MRM3: variants seen among roughly 807,000 people sequenced by gnomAD.
MRM3 encodes rRNA methyltransferase 3, mitochondrial.
In MRM3, 26 loss-of-function variants were observed where a neutral mutation model predicts 29.4. That is an observed-to-expected ratio of 0.89 (90% CI 0.65 to 1.23). The LOEUF is 1.23. Among genes scored for constraint, MRM3 ranks in the 50% most tolerant of loss-of-function variants. MRM3 has a pLI of 0.00. For missense variants in MRM3, 578 were observed against 540.2 expected, an observed-to-expected ratio of 1.07 and a Z score of -0.69; for synonymous variants, 225 against 219.0, an observed-to-expected ratio of 1.03 and a Z score of -0.24.
chr17:783,379 C>A, intron 2 of MRM3, 52 bp downstream of exon 2: 1 of 1,522,810 alleles, frequency 6.6e-7, no homozygotes, highest in African/African-American at 1.4e-5. Flanking sequence ...TTCTGTCACC[C>A]AGGCTGGAGT....
chr17:789,928 C>CA (rs1013499574), intron 3 of MRM3: 1 of 152,236 alleles, frequency 6.6e-6, no homozygotes, highest in African/African-American at 2.4e-5. Flanking sequence ...CCCCTCCAGG[C>CA]AGAGGGGTCA....
In MRM3 at chr17:782,384, G is replaced by A; in HGVS notation, c.6G>A (p.Ala2=). Residue 2 remains alanine (A), a synonymous_variant, in exon 1 of 4, where the codon GCG becomes GCA. Coordinates refer to ENST00000304478, the MANE Select transcript of MRM3 (RefSeq NM_018146.4). M[A]ALVRPARFVV... Reference sequence around the variant, plus strand: ...CAGCCCGGGTCTCAGGGAACATGGCGGCGCTGGTGAGACCCGCGAGGTTTG... The same window carrying A: ...CAGCCCGGGTCTCAGGGAACATGGCAGCGCTGGTGAGACCCGCGAGGTTTG... 1 of 1,613,614 alleles carries A rather than the reference G, an allele frequency of 6.2e-7. No homozygotes were observed. The highest frequency in any genetic ancestry group is 8.5e-7 in the Non-Finnish European group (1 of 1,179,842).
chr17:791,276 CA>C (rs1300700102), intron 3 of MRM3, among the ~76,000 whole-genome samples: 2 of 152,144 alleles, frequency 1.3e-5, no homozygotes, highest in East Asian at 3.9e-4. Context: ...ATTATCTTTG[CA>C]TCTTCTGCGC....
At chr17:783,749 C>T (rs1910376515) in intron 2 of MRM3, among the ~76,000 whole-genome samples, 1 of 152,176 alleles carries the variant, frequency 6.6e-6, no homozygotes, top group Non-Finnish European at 1.5e-5. Flanking sequence ...ATATAATTCT[C>T]AAACCTGTGT....
chr17:782,508 TC>T lies in MRM3; in HGVS notation c.132del (p.Gly45GlufsTer60). On this transcript the variant is annotated frameshift_variant, in exon 1 of 4. Coordinates refer to ENST00000304478, the MANE Select transcript of MRM3 (RefSeq NM_018146.4). LOFTEE classifies it high-confidence loss of function. ...GAGCCCAGTGAAAGTGGTGTTTCCT[TC>T]CGGAGAGGTGGTGGAACAGAAGCGC... ...RRSPVKVVFP[S>X]GEVVEQKRAP... 2 of 1,613,458 alleles carry T rather than the reference TC, an allele frequency of 1.2e-6. No individual in the cohort carries two copies.
chr17:791,434 A>G, intron 3 of MRM3, 100 bp from the exon 4 acceptor site: 1 of 1,233,374 alleles, frequency 8.1e-7, no homozygotes, highest in East Asian at 2.5e-5. Flanking sequence ...TCATAGAAGA[A>G]CTGGTTTATC....
At chr17:785,962 A>C (rs1480666690) in intron 2 of MRM3, among the ~76,000 whole-genome samples, 1 of 152,252 alleles carries the variant, frequency 6.6e-6, no homozygotes, top group Non-Finnish European at 1.5e-5. Context: ...GTCAGTCAGT[A>C]AGGTGTTTAG....
In MRM3 at chr17:782,688, C is replaced by A; in HGVS notation, c.310C>A (p.Leu104Met). 1 of 1,598,924 alleles carries A rather than the reference C, an allele frequency of 6.3e-7. No homozygotes were observed. Among genetic ancestry groups the A allele is most frequent in the Non-Finnish European group, 8.6e-7 (1 of 1,168,926 alleles). Residue 104 changes from leucine (L) to methionine (M), a missense_variant, in exon 1 of 4, where the codon CTG becomes ATG. By Grantham distance (15) the Leu-to-Met change is conservative. Coordinates refer to ENST00000304478, the MANE Select transcript of MRM3 (RefSeq NM_018146.4). ...TAAAGCTTATCCCGGGGACAGGAGG[C>A]TGAGGTGATGTGGTTCTTGAGCCTG... ...YDKAYPGDRR[L>M]SSVMTIVKSR...
At position 786,538 on chromosome 17, in the gene MRM3, A is replaced by G. The variant is rs147059327; in HGVS notation, c.560-1427A>G. On this transcript the variant is annotated intron_variant, in intron 2 of 3. Transcript: ENST00000304478. ...GATCCGCCCACCTCAGCCTCCCAAC[A>G]TGCTGGGATTACAGGCATGAGCTAC... Among the ~76,000 whole-genome samples, 677 of 150,390 alleles carry G rather than the reference A, an allele frequency of 4.5e-3. 3 individuals are homozygous for G. Among genetic ancestry groups the G allele is most frequent in the African/African-American group, 0.015 (605 of 40,866 alleles).
intron 3 of MRM3, among the ~76,000 whole-genome samples, chr17:789,210 A>G (rs1345304363): frequency 6.6e-6 from 1 of 152,204 alleles, no homozygotes; most frequent in Admixed American, 6.5e-5. Flanking sequence ...ATAGATGCCA[A>G]TTTTAACACT....
In MRM3 at chr17:792,023, T is replaced by G. The variant is rs537375865; in HGVS notation, c.1217T>G (p.Leu406Arg). Residue 406 changes from leucine to arginine, a missense_variant, in exon 4 of 4, where the codon CTG becomes CGG. By Grantham distance (102) the Leu-to-Arg change is moderately radical. Coordinates refer to ENST00000304478, the MANE Select transcript of MRM3 (RefSeq NM_018146.4). ...CTGCTTTTCGAAGGGAAAAGACAGC[T>G]GCGGGGGAGGGCGGAGGACTTGAGC... Reference protein sequence around the residue: ...SILLFEGKRQLRGRAEDLSRD... With the variant: ...SILLFEGKRQRRGRAEDLSRD... 5.6e-6 allele frequency: 9 copies of G among 1,613,262 alleles called. No homozygotes were observed. Among genetic ancestry groups the G allele is most frequent in the Admixed American group, 3.3e-5 (2 of 59,984 alleles).
intron 3 of MRM3, among the ~76,000 whole-genome samples, chr17:790,964 C>T (rs1457321453): frequency 5.0e-5 from 7 of 140,322 alleles, no homozygotes; most frequent in Non-Finnish European, 1.1e-4. Flanking sequence ...CCACCACACC[C>T]CCACCGGCTG....
intron 3 of MRM3, 100 bp from the exon 4 acceptor site, chr17:791,434 A>T (rs905542455): frequency 2.4e-6 from 3 of 1,233,256 alleles, no homozygotes; most frequent in East Asian, 2.5e-5. Flanking sequence ...TCATAGAAGA[A>T]CTGGTTTATC....
chr17:789,112 G>A (rs759266687), intron 3 of MRM3, among the ~76,000 whole-genome samples: 1 of 152,088 alleles, frequency 6.6e-6, no homozygotes, highest in Non-Finnish European at 1.5e-5. Context: ...GGCATTAGCC[G>A]CCATACCCAG....
intron 3 of MRM3, among the ~76,000 whole-genome samples, chr17:789,103 G>A (rs1048533024): frequency 2.6e-5 from 4 of 152,122 alleles, no homozygotes; most frequent in Non-Finnish European, 5.9e-5. Flanking sequence ...GAGATTATAG[G>A]CATTAGCCGC....
At chr17:791,299 C>T (rs555213051) in intron 3 of MRM3, among the ~76,000 whole-genome samples, 13 of 152,146 alleles carry the variant, frequency 8.5e-5, no homozygotes, top group African/African-American at 2.4e-4. Context: ...GTGTCTGGCA[C>T]GTGTGAATGG....
In MRM3 at chr17:788,039, T is replaced by C. The variant is rs1910620419; in HGVS notation, c.634T>C (p.Leu212=). ...GCTTCAGCATTCACTGCCTTTATTA[T>C]TGATTTGTGACAATCTCCGTGACCC... The part of the protein sequence containing the change: ...TQLQHSLPLL[L]ICDNLRDPGN... Residue 212 remains leucine, a synonymous_variant, in exon 3 of 4, where the codon TTG becomes CTG. Transcript: ENST00000304478. 3 of 1,614,072 alleles carry C rather than the reference T, an allele frequency of 1.9e-6. No individual in the cohort carries two copies. The highest frequency in any genetic ancestry group is 2.5e-6 in the Non-Finnish European group (3 of 1,180,028).
chr17:782,553 C>A lies in MRM3; in HGVS notation c.175C>A (p.Arg59Ser). The change falls in exon 1 of 4, where the codon CGC becomes AGC. Residue 59 changes from arginine to serine, a missense_variant. By Grantham distance (110) the Arg-to-Ser change is moderately radical. Transcript: ENST00000304478. ...GAAGCGCGCTCCTGGGAAGCAGCCC[C>A]GCAAGGCACCATCTGAGGCCAGTGC... ...EQKRAPGKQP[R>S]KAPSEASAQE... 2 of 1,614,028 alleles carry A rather than the reference C, an allele frequency of 1.2e-6. No individual in the cohort carries two copies. The highest frequency in any genetic ancestry group is 8.5e-7 in the Non-Finnish European group (1 of 1,179,922).
intron 3 of MRM3, among the ~76,000 whole-genome samples, chr17:789,085 A>G (rs1328176959): frequency 6.6e-6 from 1 of 152,178 alleles, no homozygotes; most frequent in East Asian, 1.9e-4. Context: ...TCGGCCTGTC[A>G]AAGTGCTGAG....
Sources: gnomAD v4.1 joint callset for allele counts (sites outside exome capture counted in the v4.1 genomes callset) on GRCh38, gnomAD v4.1.1 for gene constraint, MANE v1.5 for transcripts, NCBI Gene and HGNC (gene_info 2026-07-23, HGNC 2026-07-21) for gene names.